Variants in COMMD1 observed in about 807,000 individuals in gnomAD.
COMMD1 encodes the protein COMM domain-containing protein 1.
A neutral mutation model predicts 17.2 loss-of-function variants in COMMD1; 10 were observed. That is an observed-to-expected ratio of 0.58 (90% CI 0.36 to 0.99). The LOEUF (loss-of-function observed/expected upper bound fraction) is 0.99. Among genes scored for constraint, COMMD1 ranks in the 50% least tolerant of loss-of-function variants. The pLI is 0.01. For synonymous variants in COMMD1, 97 were observed against 91.6 expected (o/e 1.06, Z -0.34); for missense variants, 270 against 231.8 (o/e 1.17, Z -1.07).
intron 1 of COMMD1, among the ~76,000 whole-genome samples, chr2:61,979,497 G>A (rs1237922325): frequency 3.3e-5 from 5 of 151,952 alleles, no homozygotes; most frequent in Non-Finnish European, 5.9e-5. Flanking sequence ...ACTAAAAATA[G>A]AGCTAGCATA....
intron 1 of COMMD1, among the ~76,000 whole-genome samples, chr2:61,991,704 C>T (rs1047098442): frequency 6.6e-6 from 1 of 152,066 alleles, no homozygotes; most frequent in Admixed American, 6.5e-5. Flanking sequence ...TAGAATAGCA[C>T]GAACAGAGAC....
chr2:62,110,061 A>G (rs112548177), intron 2 of COMMD1, among the ~76,000 whole-genome samples: 2 of 150,782 alleles, frequency 1.3e-5, no homozygotes, highest in Non-Finnish European at 2.9e-5. Flanking sequence ...ATCTAGCCCT[A>G]CATAATCTAC....
intron 2 of COMMD1, among the ~76,000 whole-genome samples, chr2:62,047,065 C>A (rs1187510098): frequency 6.6e-6 from 1 of 152,156 alleles, no homozygotes; most frequent in Non-Finnish European, 1.5e-5. Context: ...GTCCCTACCC[C>A]CGAGTCCCTT....
chr2:62,113,301 A>G (rs1021534864), intron 2 of COMMD1, among the ~76,000 whole-genome samples: 2 of 152,152 alleles, frequency 1.3e-5, no homozygotes, highest in African/African-American at 4.8e-5. Context: ...ATGATGAGCT[A>G]TGATTGTGCC....
At chr2:61,890,243 C>T (rs931185891) in intron 1 of COMMD1, among the ~76,000 whole-genome samples, 7 of 152,068 alleles carry the variant, frequency 4.6e-5, no homozygotes, top group African/African-American at 1.7e-4. Context: ...GTTTTTGAGA[C>T]GGAGTTTCAC....
At chr2:61,934,134 CA>C (rs1670542585) in intron 1 of COMMD1, among the ~76,000 whole-genome samples, 1 of 152,046 alleles carries the variant, frequency 6.6e-6, no homozygotes, top group Non-Finnish European at 1.5e-5. Context: ...TGTTTAAATA[CA>C]AAATGAATTT....
At chr2:62,013,812 A>G (rs141665485) in intron 2 of COMMD1, among the ~76,000 whole-genome samples, 1 of 152,224 alleles carries the variant, frequency 6.6e-6, no homozygotes, top group Admixed American at 6.6e-5. Context: ...TGCAGTGTTG[A>G]CTGTCTAACA....
At chr2:61,932,150 G>A (rs761185893) in intron 1 of COMMD1, among the ~76,000 whole-genome samples, 2 of 152,140 alleles carry the variant, frequency 1.3e-5, no homozygotes, top group Admixed American at 6.5e-5. Flanking sequence ...CTGAGCCACC[G>A]CGTCTGGCCT....
intron 2 of COMMD1, among the ~76,000 whole-genome samples, chr2:62,117,433 C>T (rs899068786): frequency 3.9e-5 from 6 of 152,124 alleles, no homozygotes; most frequent in African/African-American, 7.2e-5. Context: ...TTAATGATGG[C>T]GTTTATGTTC....
chr2:62,054,059 T>C (rs1670618217), intron 2 of COMMD1, among the ~76,000 whole-genome samples: 1 of 152,126 alleles, frequency 6.6e-6, no homozygotes, highest in Admixed American at 6.5e-5. Flanking sequence ...TAGACATTTT[T>C]CAAAAGAAGA....
chr2:62,125,210 A>G (rs34114635), intron 2 of COMMD1, among the ~76,000 whole-genome samples: 12,474 of 152,266 alleles, frequency 0.082, 717 homozygotes, highest in Non-Finnish European at 0.12. Flanking sequence ...TTCCTCTAGA[A>G]GATTCTGTGA....
intron 2 of COMMD1, among the ~76,000 whole-genome samples, chr2:62,110,573 AGTGATCAGCTCT>A (rs1672431025): frequency 3.3e-5 from 5 of 152,144 alleles, no homozygotes; most frequent in Admixed American, 2.6e-4. Flanking sequence ...AGAAGTGAAG[AGTGATCAGCTCT>A]GTGAGGCAGT....
intron 2 of COMMD1, among the ~76,000 whole-genome samples, chr2:62,105,125 CA>C (rs545189413): frequency 0.016 from 1,355 of 82,134 alleles, 19 homozygotes; most frequent in African/African-American, 0.052. Context: ...AACTCTGTCT[CA>C]AAAAAAAAAA....
At chr2:62,014,097 T>C (rs1437177302) in intron 2 of COMMD1, among the ~76,000 whole-genome samples, 1 of 152,054 alleles carries the variant, frequency 6.6e-6, no homozygotes, top group African/African-American at 2.4e-5. Context: ...AAAAGATGAG[T>C]GTCTTTGCAG....
At chr2:62,045,502 G>T (rs1359318473) in intron 2 of COMMD1, among the ~76,000 whole-genome samples, 1 of 151,490 alleles carries the variant, frequency 6.6e-6, no homozygotes, top group Non-Finnish European at 1.5e-5. Context: ...TTTGGTCCCT[G>T]AGCAAGGTGG....
intron 2 of COMMD1, among the ~76,000 whole-genome samples, chr2:62,112,536 A>C (rs945782124): frequency 6.6e-6 from 1 of 152,250 alleles, no homozygotes. Flanking sequence ...TAAAGTGTCA[A>C]GGGACGGGGT....
chr2:62,064,261 C>A (rs1271034359), intron 2 of COMMD1, among the ~76,000 whole-genome samples: 2 of 152,066 alleles, frequency 1.3e-5, no homozygotes, highest in African/African-American at 4.8e-5. Flanking sequence ...GCAACCTCCA[C>A]CTCCTGGGTT....
chr2:62,038,858 A>AT (rs1304836664), intron 2 of COMMD1, among the ~76,000 whole-genome samples: 2 of 151,796 alleles, frequency 1.3e-5, no homozygotes, highest in African/African-American at 2.4e-5. Context: ...CTGTTTCCTT[A>AT]TTTTTTTAAT....
At chr2:61,977,762 C>A (rs567149178) in intron 1 of COMMD1, among the ~76,000 whole-genome samples, 17,524 of 151,608 alleles carry the variant, frequency 0.12, 2,427 homozygotes, top group African/African-American at 0.33. Flanking sequence ...CGAGACAGGC[C>A]GATCACTTGA....
Sources: allele counts gnomAD v4.1 joint callset (sites outside exome capture counted in the v4.1 genomes callset), GRCh38; gene constraint gnomAD v4.1.1; transcripts MANE v1.5; gene names NCBI Gene and HGNC (gene_info 2026-07-23, HGNC 2026-07-21).